The following MYOZ1 variants were observed in gnomAD, a reference collection of about 807,000 sequenced individuals.
MYOZ1 encodes the protein myozenin-1.
Under a neutral mutation model 28.7 loss-of-function variants are expected in MYOZ1, and 20 were observed. The ratio of observed to expected loss-of-function variants is 0.70; its 90% CI spans 0.49 to 1.01. The LOEUF (loss-of-function observed/expected upper bound fraction) is 1.01, where lower values mean the gene tolerates loss of function less well. Ranked by LOEUF, MYOZ1 falls within the 50% of genes least tolerant of loss-of-function variation. The pLI is 0.00. For synonymous variants in MYOZ1, 144 were observed against 145.8 expected, an observed-to-expected ratio of 0.99 and a Z score of 0.09; for missense variants, 371 against 372.4, an observed-to-expected ratio of 1.00 and a Z score of 0.03.
At chr10:73,633,278 CA>C (rs1307840698) in intron 5 of MYOZ1, among the ~76,000 whole-genome samples, 1 of 151,660 alleles carries the variant, frequency 6.6e-6, no homozygotes, top group African/African-American at 2.4e-5. Context: ...GCCTGGGCAA[CA>C]AGAGCAAAAC....
rs372228357 is a variant in MYOZ1 at position 73,632,052 on chromosome 10, G to A, written c.778C>T (p.Gln260Ter). 2.0e-5 allele frequency: 32 copies of A among 1,614,038 alleles called. No homozygotes were observed. Among genetic ancestry groups the A allele is most frequent in the Non-Finnish European group, 2.7e-5 (32 of 1,180,042 alleles). ...LLSEPLVLYN[Q>*]NLSNRPSFNR... ...AAAGAAGGCCTGTTGGAGAGGTTTTGGTTGTAGAGGACCAGGGGTTCACTC... is the reference window on the plus strand; with the variant it reads ...AAAGAAGGCCTGTTGGAGAGGTTTTAGTTGTAGAGGACCAGGGGTTCACTC... Residue 260 changes from glutamine to a stop codon, truncating the protein, a stop_gained, in exon 6 of 6, where the codon CAA (glutamine) becomes TAA (stop). Coordinates refer to ENST00000359322, the MANE Select transcript of MYOZ1 (RefSeq NM_021245.4). LOFTEE classifies it high-confidence loss of function.
At chr10:73,634,356 T>C (rs369578491) in intron 4 of MYOZ1, 128 bp downstream of exon 4, 18 of 1,101,588 alleles carry the variant, frequency 1.6e-5, no homozygotes, top group African/African-American at 1.4e-4. Flanking sequence ...TTTAAACTGA[T>C]ATTATTATAT....
At chr10:73,635,372 A>G (rs1176112187) in intron 3 of MYOZ1, among the ~76,000 whole-genome samples, 2 of 151,922 alleles carry the variant, frequency 1.3e-5, no homozygotes, top group African/African-American at 4.8e-5. Flanking sequence ...TTAAAAAAAA[A>G]AAATGAAAAA....
chr10:73,633,221 C>T (rs896720708), intron 5 of MYOZ1, among the ~76,000 whole-genome samples: 1 of 152,198 alleles, frequency 6.6e-6, no homozygotes, highest in East Asian at 1.9e-4. Context: ...CACTTGAACC[C>T]AGGAGGCGGA....
chr10:73,638,668 T>TTATG (rs1554958192), intron 2 of MYOZ1, among the ~76,000 whole-genome samples: 39 of 147,510 alleles, frequency 2.6e-4, no homozygotes, highest in East Asian at 1.8e-3. Context: ...ATTTATTTAT[T>TTATG]TATTTATTTA....
At chr10:73,640,836 G>A (rs933504925) in intron 1 of MYOZ1, among the ~76,000 whole-genome samples, 1 of 152,130 alleles carries the variant, frequency 6.6e-6, no homozygotes, top group Non-Finnish European at 1.5e-5. Context: ...CCATAGGAAG[G>A]AGAGGTTGTT....
chr10:73,632,668 C>T (rs927716030), intron 5 of MYOZ1, among the ~76,000 whole-genome samples: 4 of 151,290 alleles, frequency 2.6e-5, no homozygotes, highest in African/African-American at 9.7e-5. Flanking sequence ...CCTGTCATCC[C>T]AGCTACTCAG....
At chr10:73,636,096 C>T (rs2081665850) in intron 3 of MYOZ1, among the ~76,000 whole-genome samples, 1 of 152,134 alleles carries the variant, frequency 6.6e-6, no homozygotes, top group Non-Finnish European at 1.5e-5. Context: ...CAATGACAGA[C>T]ACTTCTGCCC....
intron 5 of MYOZ1, 106 bp downstream of exon 5, chr10:73,633,794 A>G (rs2081650062): frequency 8.0e-7 from 1 of 1,254,474 alleles, no homozygotes; most frequent in Admixed American, 2.5e-5. Context: ...TATCCCTGCC[A>G]TCTCTCCTTA....
At chr10:73,640,921 C>T (rs1225146283) in intron 1 of MYOZ1, among the ~76,000 whole-genome samples, 1 of 152,152 alleles carries the variant, frequency 6.6e-6, no homozygotes, top group African/African-American at 2.4e-5. Context: ...CCGCCACAGA[C>T]CCCAGAGTGG....
Position 73,639,828 on chromosome 10 carries a change from G to T in MYOZ1, c.73+117C>A, listed in dbSNP as rs1006232181. The T allele has an allele frequency of 3.0e-6, 3 of 998,278 alleles. No homozygotes were observed. In the Admixed American group the frequency reaches 6.5e-5, roughly 22 times the overall value. The allele number at this position is 998,278 out of a possible 1,614,324, so 61.8% of individuals were successfully genotyped here. A position where few individuals can be genotyped will look rare whatever the true frequency, so the allele number is the denominator to read the frequency against. ...TTCCCTCTCCCACTCCCCATCACCC[G>T]CCTTCCCACCACTTAATTTCTCTTG... On this transcript the variant is annotated intron_variant, in intron 2 of 5. Coordinates refer to ENST00000359322, the MANE Select transcript of MYOZ1 (RefSeq NM_021245.4).
chr10:73,639,863 C>T (rs2081692725), intron 2 of MYOZ1, 82 bp downstream of exon 2: 7 of 1,405,078 alleles, frequency 5.0e-6, no homozygotes, highest in Non-Finnish European at 7.0e-6. Flanking sequence ...GTTTGTTCAC[C>T]CTAAGATATA....
At chr10:73,633,063 G>A (rs751337695) in intron 5 of MYOZ1, among the ~76,000 whole-genome samples, 81 of 152,174 alleles carry the variant, frequency 5.3e-4, no homozygotes, top group Middle Eastern at 6.8e-3. Context: ...TTGGGAGCCC[G>A]AGGCGGGCAG....
rs2132405725 is a variant in MYOZ1 at position 73,634,626 on chromosome 10, GC to G, written c.359del (p.Gly120AlafsTer119). ...AGCCATACTGTCCGGCAGAGCCACT[GC>G]CCCCTGCCTGGCTGCCGCCTCTGCC... Reference protein sequence around the residue: ...SNGRGGSQAGGSGSAGQYGSD... With the variant: ...SNGRGGSQAGXSGSAGQYGSD... On this transcript the variant is annotated frameshift_variant, in exon 4 of 6. Transcript: ENST00000359322. LOFTEE classifies it high-confidence loss of function. 1 of 1,614,132 alleles carries G rather than the reference GC, an allele frequency of 6.2e-7. No individual in the cohort carries two copies. Among genetic ancestry groups the G allele is most frequent in the Non-Finnish European group, 8.5e-7 (1 of 1,179,998 alleles).
intron 5 of MYOZ1, among the ~76,000 whole-genome samples, chr10:73,633,262 AC>A (rs1412220869): frequency 6.6e-6 from 1 of 152,160 alleles, no homozygotes; most frequent in Non-Finnish European, 1.5e-5. Context: ...ATGCCACTGC[AC>A]TCCAGCCTGG....
Position 73,639,937 on chromosome 10 carries a change from TG to T in MYOZ1, c.73+7del. On this transcript the variant is annotated splice_region_variant and intron_variant, in intron 2 of 5. Transcript: ENST00000359322. ...GTCCCACACTAGGGAGATGCAAACA[TG>T]TCCTACCTCCAGTGAGTTCCATGAT... 1 of 1,613,744 alleles carries T rather than the reference TG, an allele frequency of 6.2e-7. No individual in the cohort carries two copies. Among genetic ancestry groups the T allele is most frequent in the Non-Finnish European group, 8.5e-7 (1 of 1,179,722 alleles).
chr10:73,640,795 A>C (rs1260633055), intron 1 of MYOZ1, among the ~76,000 whole-genome samples: 2 of 152,160 alleles, frequency 1.3e-5, no homozygotes, highest in Non-Finnish European at 2.9e-5. Context: ...ATATTCTGCC[A>C]GGGTTGAGGA....
intron 3 of MYOZ1, 47 bp downstream of exon 3, chr10:73,637,697 C>A: frequency 6.5e-7 from 1 of 1,548,948 alleles, no homozygotes; most frequent in Non-Finnish European, 8.8e-7. Flanking sequence ...AACAAGCTGT[C>A]AGAACAGGCA....
chr10:73,638,712 G>T (rs2081684719), intron 2 of MYOZ1, among the ~76,000 whole-genome samples: 1 of 146,846 alleles, frequency 6.8e-6, no homozygotes, highest in South Asian at 2.2e-4. Context: ...TGTCTCCCAG[G>T]CTGAAGTGCA....
Sources: gnomAD v4.1 joint callset for allele counts (sites outside exome capture counted in the v4.1 genomes callset) on GRCh38, gnomAD v4.1.1 for gene constraint, MANE v1.5 for transcripts, NCBI Gene and HGNC (gene_info 2026-07-23, HGNC 2026-07-21) for gene names.